RABGAP1: variants seen among roughly 807,000 people sequenced by gnomAD.
RABGAP1 encodes the protein RAB GTPase activating protein 1, also known as rab GTPase-activating protein 1.
In RABGAP1, 23 loss-of-function variants were observed where a neutral mutation model predicts 137.6. The ratio of observed to expected loss-of-function variants is 0.17; its 90% CI spans 0.12 to 0.24. The LOEUF (loss-of-function observed/expected upper bound fraction) is 0.24. RABGAP1 is among the 10% of genes least tolerant of loss of function. The pLI, the probability that RABGAP1 is intolerant of heterozygous loss-of-function variation, is 1.00. For missense variants in RABGAP1, 906 were observed against 1,275.8 expected, an observed-to-expected ratio of 0.71 and a Z score of 4.42; for synonymous variants, 451 against 450.7, an observed-to-expected ratio of 1.00 and a Z score of -0.01.
intron 2 of RABGAP1, among the ~76,000 whole-genome samples, chr9:122,969,526 A>G (rs1468542901): frequency 1.3e-5 from 2 of 152,196 alleles, no homozygotes; most frequent in Non-Finnish European, 2.9e-5. Context: ...TTAAATCTTT[A>G]AGGTCTGTCA....
chr9:122,985,611 C>CAAAAAA (rs34147826), intron 3 of RABGAP1, among the ~76,000 whole-genome samples: 2 of 91,098 alleles, frequency 2.2e-5, no homozygotes, highest in Non-Finnish European at 1.9e-5. Context: ...GACTCCGTCT[C>CAAAAAA]AAAAAAAAAA....
chr9:123,019,161 G>A (rs2031446009), intron 12 of RABGAP1, among the ~76,000 whole-genome samples: 1 of 152,170 alleles, frequency 6.6e-6, no homozygotes, highest in African/African-American at 2.4e-5. Flanking sequence ...CATAAATGAA[G>A]TCCAAAGATT....
At chr9:122,964,311 T>C (rs1344734001) in intron 2 of RABGAP1, among the ~76,000 whole-genome samples, 2 of 152,118 alleles carry the variant, frequency 1.3e-5, no homozygotes, top group African/African-American at 4.8e-5. Flanking sequence ...CAAAAATCCT[T>C]GAAATACTAG....
intron 2 of RABGAP1, among the ~76,000 whole-genome samples, chr9:122,977,938 T>C (rs1038852504): frequency 1.3e-5 from 2 of 152,062 alleles, no homozygotes; most frequent in African/African-American, 4.8e-5. Flanking sequence ...TTTAGTAGGG[T>C]ACATAGAAAA....
chr9:122,940,553 CCT>C (rs1833487900), upstream of RABGAP1, among the ~76,000 whole-genome samples: 1 of 152,162 alleles, frequency 6.6e-6, no homozygotes, highest in African/African-American at 2.4e-5. Flanking sequence ...CATCACAATC[CCT>C]GACACACCGT....
intron 4 of RABGAP1, 43 bp downstream of exon 4, chr9:122,986,462 C>A: frequency 1.3e-6 from 2 of 1,567,016 alleles, no homozygotes; most frequent in Non-Finnish European, 1.8e-6. Context: ...TACATCAGAT[C>A]TCTGACCTGT....
At chr9:123,089,571 G>T (rs547714766) in intron 19 of RABGAP1, 187 bp from the exon 20 acceptor site, 2 of 534,920 alleles carry the variant, frequency 3.7e-6, no homozygotes, top group South Asian at 2.9e-5. Flanking sequence ...AACTCTAAAC[G>T]CATTGAGAAT....
intron 21 of RABGAP1, among the ~76,000 whole-genome samples, chr9:123,096,375 G>T (rs1391886447): frequency 1.3e-5 from 2 of 149,460 alleles, no homozygotes; most frequent in Non-Finnish European, 2.9e-5. Context: ...ATGAAAACTG[G>T]ACTGGCTATA....
At chr9:122,938,233 C>T (rs1436981226), upstream of RABGAP1, 1 of 152,104 alleles carries the variant, frequency 6.6e-6, no homozygotes, top group Non-Finnish European at 1.5e-5. Context: ...CTTTTCCCTG[C>T]TCTAGTTTTA....
rs552177869 is a variant in RABGAP1, at chr9:123,051,699, T to C, written c.1795-13649T>C. On this transcript the variant is annotated intron_variant, in intron 13 of 25. Transcript: ENST00000373647. ...AAAAGGAAAGCTTATTTTCAAAGTCTGTGTCATACCAATTTTAGTTATAAG... is the reference window on the plus strand; with the variant it reads ...AAAAGGAAAGCTTATTTTCAAAGTCCGTGTCATACCAATTTTAGTTATAAG... 2.0e-5 allele frequency among the ~76,000 whole-genome samples: 3 copies of C among 152,216 alleles called. No homozygotes were observed. In the South Asian group the frequency reaches 6.2e-4, roughly 32 times the overall value.
chr9:123,061,063 C>T lies in RABGAP1; in HGVS notation c.1795-4285C>T, dbSNP rs2033952215. 2.0e-5 allele frequency among the ~76,000 whole-genome samples: 3 copies of T among 152,306 alleles called. 1 individual carries two copies. In the South Asian group the frequency reaches 6.2e-4, roughly 32 times the overall value. On this transcript the variant is annotated intron_variant, in intron 13 of 25. Coordinates refer to ENST00000373647, the MANE Select transcript of RABGAP1 (RefSeq NM_012197.4). ...ACTTATAACAAGGGTTAACAAACTA[C>T]CACCTCAGGGCCAGGTTCAGTTTGC...
chr9:123,070,215 A>G lies in RABGAP1; in HGVS notation c.1909-135A>G. On this transcript the variant is annotated intron_variant, in intron 14 of 25. Transcript: ENST00000373647. The surrounding 1 kb of genome is among the most constrained non-coding windows in gnomAD (Gnocchi z 4.4). Reference sequence around the variant, plus strand: ...AAGATTGGAGAGAAGTATTGGCACCACTTACTGTCTGTCAAAATGCTGTCC... The same window carrying G: ...AAGATTGGAGAGAAGTATTGGCACCGCTTACTGTCTGTCAAAATGCTGTCC... 6.8e-7 allele frequency: 1 copy of G among 1,461,786 alleles called. No individual in the cohort carries two copies. Among genetic ancestry groups the G allele is most frequent in the South Asian group, 1.4e-5 (1 of 69,320 alleles). The allele number at this position is 1,461,786 out of a possible 1,614,324, so 90.6% of individuals were successfully genotyped here.
chr9:123,085,120 A>G (rs569400780), intron 19 of RABGAP1, among the ~76,000 whole-genome samples: 1 of 152,374 alleles, frequency 6.6e-6, no homozygotes, highest in South Asian at 2.1e-4. Flanking sequence ...CCTGTGACAG[A>G]TTAATGACAA....
At chr9:123,075,278 A>G (rs1308654410) in intron 17 of RABGAP1, among the ~76,000 whole-genome samples, 1 of 152,128 alleles carries the variant, frequency 6.6e-6, no homozygotes, top group Non-Finnish European at 1.5e-5. Flanking sequence ...TATGGTTTCC[A>G]TATGGATGGA....
intron 10 of RABGAP1, among the ~76,000 whole-genome samples, chr9:123,002,037 G>C: frequency 6.6e-6 from 1 of 152,120 alleles, no homozygotes; most frequent in Admixed American, 6.5e-5. Flanking sequence ...AATGTTTCTA[G>C]ATGGTCTGTA....
chr9:122,957,110 A>G lies in RABGAP1; in HGVS notation c.51A>G (p.Val17=). ...VGKISVSSDS[V]STLNSEDFVL... ...AAATCAGTGTCTCTTCAGACTCAGT[A>G]TCTACTCTTAATAGTGAAGATTTTG... is the stretch of plus-strand genomic sequence containing the variant. Residue 17 remains valine, a synonymous_variant, in exon 2 of 26, where the codon GTA becomes GTG. Transcript: ENST00000373647. The G allele has an allele frequency of 2.6e-6, 4 of 1,564,412 alleles. No individual in the cohort carries two copies. Among genetic ancestry groups the G allele is most frequent in the Non-Finnish European group, 3.5e-6 (4 of 1,145,572 alleles).
At chr9:123,045,079 C>T (rs993520551) in intron 13 of RABGAP1, among the ~76,000 whole-genome samples, 2 of 152,128 alleles carry the variant, frequency 1.3e-5, no homozygotes, top group Non-Finnish European at 2.9e-5. Context: ...TGTTACAAAA[C>T]GACTGAATTA....
chr9:122,947,404 T>G (rs919098715), intron 1 of RABGAP1, among the ~76,000 whole-genome samples: 1 of 152,122 alleles, frequency 6.6e-6, no homozygotes, highest in Non-Finnish European at 1.5e-5. Flanking sequence ...TAGATGATGG[T>G]GATGGTTGCA....
At chr9:122,986,499 A>G (rs1836377833) in intron 4 of RABGAP1, 80 bp downstream of exon 4, 1 of 1,383,464 alleles carries the variant, frequency 7.2e-7, no homozygotes, top group African/African-American at 1.4e-5. Context: ...AATAGTGAAT[A>G]AAATACATAT....
Sources: gnomAD v4.1 joint callset for allele counts (sites outside exome capture counted in the v4.1 genomes callset) on GRCh38, gnomAD v4.1.1 for gene constraint, Gnocchi (gnomAD v3.1) non-coding constraint, MANE v1.5 for transcripts, NCBI Gene and HGNC (gene_info 2026-07-23, HGNC 2026-07-21) for gene names.